DDX31: variants seen among roughly 807,000 people sequenced by gnomAD.
The protein encoded by DDX31 is DEAD-box helicase 31.
In DDX31, 70 loss-of-function variants were observed where a neutral mutation model predicts 91.3. The observed-to-expected ratio is 0.77, with a 90% CI of 0.63 to 0.94. The LOEUF is 0.94. Ranked by LOEUF, DDX31 falls within the 40% of genes least tolerant of loss-of-function variation. DDX31 has a pLI of 0.00. For missense variants in DDX31, 902 were observed against 925.0 expected, an observed-to-expected ratio of 0.98 and a Z score of 0.32; for synonymous variants, 362 against 350.6, an observed-to-expected ratio of 1.03 and a Z score of -0.36.
intron 16 of DDX31, among the ~76,000 whole-genome samples, chr9:132,627,753 C>T (rs553191780): frequency 2.0e-5 from 3 of 152,292 alleles, no homozygotes; most frequent in Admixed American, 1.3e-4. Context: ...ACTGCTAGGG[C>T]GAGCACCGCA....
At chr9:132,657,669 C>A (rs1834658008) in intron 6 of DDX31, among the ~76,000 whole-genome samples, 1 of 152,158 alleles carries the variant, frequency 6.6e-6, no homozygotes, top group South Asian at 2.1e-4. Flanking sequence ...AATCGATTAG[C>A]TTTTGTCTGT....
intron 17 of DDX31, among the ~76,000 whole-genome samples, chr9:132,621,741 C>T (rs1430905604): frequency 1.3e-5 from 2 of 152,216 alleles, no homozygotes; most frequent in Admixed American, 1.3e-4. Flanking sequence ...AAGTTGTATC[C>T]AGCATCTACT....
At chr9:132,611,640 C>T (rs776064901) in intron 19 of DDX31, among the ~76,000 whole-genome samples, 34 of 152,152 alleles carry the variant, frequency 2.2e-4, no homozygotes, top group Non-Finnish European at 4.1e-4. Flanking sequence ...GCGCTCACCA[C>T]TGGAGGTGCA....
At chr9:132,663,105 G>T in intron 1 of DDX31, 1 of 1,138,812 alleles carries the variant, frequency 8.8e-7, no homozygotes, top group Non-Finnish European at 1.2e-6. Flanking sequence ...AAAGAGGGGT[G>T]GGGGAAAACG....
intron 19 of DDX31, among the ~76,000 whole-genome samples, chr9:132,611,862 G>A (rs985430715): frequency 1.4e-4 from 21 of 151,964 alleles, no homozygotes; most frequent in African/African-American, 4.4e-4. Flanking sequence ...CTGAAGCTCC[G>A]ACTACGTTTG....
intron 19 of DDX31, among the ~76,000 whole-genome samples, chr9:132,603,665 C>T (rs978600334): frequency 3.3e-5 from 5 of 152,230 alleles, no homozygotes; most frequent in East Asian, 3.8e-4. Flanking sequence ...CTGGACCTAG[C>T]GGTTTGTGCT....
chr9:132,613,448 C>T (rs1331249991), intron 18 of DDX31, among the ~76,000 whole-genome samples: 1 of 152,144 alleles, frequency 6.6e-6, no homozygotes, highest in African/African-American at 2.4e-5. Flanking sequence ...AATCCCAGCA[C>T]TTTGGGAGGC....
chr9:132,638,487 C>T (rs1457211558), intron 14 of DDX31: 14 of 1,324,816 alleles, frequency 1.1e-5, no homozygotes, highest in East Asian at 2.4e-5. Flanking sequence ...TTGCTCATCC[C>T]TACTTCCTAC....
intron 17 of DDX31, among the ~76,000 whole-genome samples, chr9:132,618,940 C>T (rs536198799): frequency 5.3e-5 from 8 of 152,308 alleles, no homozygotes; most frequent in African/African-American, 1.9e-4. Flanking sequence ...AGCAGGCTTC[C>T]TCAGTGCCTA....
chr9:132,608,517 C>T (rs919307734), intron 19 of DDX31, among the ~76,000 whole-genome samples: 1 of 152,150 alleles, frequency 6.6e-6, no homozygotes, highest in Non-Finnish European at 1.5e-5. Flanking sequence ...AACCTGCTCC[C>T]GATCCCCATT....
chr9:132,668,761 G>C (rs1835493721), intron 1 of DDX31, among the ~76,000 whole-genome samples: 1 of 152,096 alleles, frequency 6.6e-6, no homozygotes, highest in South Asian at 2.1e-4. Flanking sequence ...TAGAGACGGG[G>C]GTTTCATCTT....
chr9:132,613,283 A>C (rs1211637032), intron 18 of DDX31, among the ~76,000 whole-genome samples: 1 of 152,260 alleles, frequency 6.6e-6, no homozygotes, highest in Non-Finnish European at 1.5e-5. Flanking sequence ...GGAATGAAAC[A>C]AATGTTTAAA....
chr9:132,617,641 G>C (rs1831730161), intron 18 of DDX31, among the ~76,000 whole-genome samples: 1 of 152,118 alleles, frequency 6.6e-6, no homozygotes, highest in Admixed American at 6.5e-5. Context: ...CTCCAGCATG[G>C]AGTAAGTCTC....
intron 16 of DDX31, among the ~76,000 whole-genome samples, chr9:132,626,462 T>TGCAAGGCCACAGCATTTGAATGTA (rs1832399628): frequency 6.6e-6 from 1 of 152,088 alleles, no homozygotes; most frequent in Non-Finnish European, 1.5e-5. Context: ...TCCAATCAAC[T>TGCAAGGCCACAGCATTTGAATGTA]GCAAGGCCAC....
chr9:132,662,531 C>A lies in DDX31; in HGVS notation c.240G>T (p.Ser80=). The A allele has an allele frequency of 6.2e-7, 1 of 1,614,192 alleles. No individual in the cohort carries two copies. Among genetic ancestry groups the A allele is most frequent in the South Asian group, 1.1e-5 (1 of 91,084 alleles). Residue 80 remains serine (S), a synonymous_variant, in exon 2 of 20, where the codon TCG becomes TCT. Transcript: ENST00000372159. The stretch of plus-strand genomic sequence containing the variant: ...CCTGGTTTCTATCACTTGTGCTAAC[C>A]GAATGCTTCTTTGGAGAAAACATTT... ...AQKMFSPKKH[S]VSTSDRNQEE...
At chr9:132,669,809 C>A in intron 1 of DDX31, 51 bp downstream of exon 1, 1 of 1,528,184 alleles carries the variant, frequency 6.5e-7, no homozygotes, top group South Asian at 1.2e-5. Context: ...CGCGGCGCGC[C>A]CACAGCCGGG....
At chr9:132,669,734 G>A (rs890229056) in intron 1 of DDX31, 126 bp downstream of exon 1, 1 of 1,530,002 alleles carries the variant, frequency 6.5e-7, no homozygotes, top group African/African-American at 1.4e-5. Context: ...GAAGCTGCCC[G>A]GTGTCTTTCT....
intron 9 of DDX31, 55 bp downstream of exon 9, chr9:132,650,179 T>TAGGA: frequency 6.5e-7 from 1 of 1,529,140 alleles, no homozygotes; most frequent in Non-Finnish European, 9.1e-7. Context: ...CCTTACTGAA[T>TAGGA]AGGAAGGCAG....
chr9:132,616,588 C>T (rs1177168132), intron 18 of DDX31, among the ~76,000 whole-genome samples: 1 of 152,188 alleles, frequency 6.6e-6, no homozygotes. Context: ...CAGCACAACA[C>T]CTTGTTATGT....
Sources: allele counts gnomAD v4.1 joint callset (sites outside exome capture counted in the v4.1 genomes callset), GRCh38; gene constraint gnomAD v4.1.1; transcripts MANE v1.5; gene names NCBI Gene and HGNC (gene_info 2026-07-23, HGNC 2026-07-21).